The following CMSS1 variants were observed in gnomAD, a reference collection of about 807,000 sequenced individuals.
CMSS1 encodes protein CMSS1.
Under a neutral mutation model 43.5 loss-of-function variants are expected in CMSS1, and 33 were observed. The observed-to-expected ratio is 0.76, with a 90% CI of 0.57 to 1.01. The LOEUF (loss-of-function observed/expected upper bound fraction) is 1.01. Ranked by LOEUF, CMSS1 falls within the 50% of genes least tolerant of loss-of-function variation. The pLI, the probability that CMSS1 is intolerant of heterozygous loss-of-function variation, is 0.00. For missense variants in CMSS1, 313 were observed against 326.4 expected (o/e 0.96, Z 0.32); for synonymous variants, 115 against 117.2 (o/e 0.98, Z 0.12).
At position 100,179,427 on chromosome 3, in the gene CMSS1, T is replaced by C. The variant is rs1369997130; in HGVS notation, c.*1039T>C. 6.6e-6 allele frequency: 1 copy of C among 152,230 alleles called. No homozygotes were observed. Among genetic ancestry groups the C allele is most frequent in the African/African-American group, 2.4e-5 (1 of 41,456 alleles). The allele number at this position is 152,230 out of a possible 1,614,324, so 9.4% of individuals were successfully genotyped here. A position where few individuals can be genotyped will look rare whatever the true frequency, so the allele number is the denominator to read the frequency against. ...CAAGTTAGTCATTTCCAAGATACAA[T>C]GGAGGTACAGGCATTGGGTAAATGC... On this transcript the variant is annotated 3_prime_UTR_variant, in exon 10 of 10. Transcript: ENST00000421999.
chr3:100,121,410 G>C (rs1298931866), intron 1 of CMSS1, among the ~76,000 whole-genome samples: 1 of 152,060 alleles, frequency 6.6e-6, no homozygotes, highest in Non-Finnish European at 1.5e-5. Context: ...TCCCTGCAAA[G>C]GACATGAACT....
intron 1 of CMSS1, among the ~76,000 whole-genome samples, chr3:99,922,517 C>T (rs987603917): frequency 5.9e-5 from 9 of 151,976 alleles, no homozygotes; most frequent in Admixed American, 1.3e-4. Context: ...TCTGGCACTC[C>T]GAAAAAATGC....
chr3:100,177,018 C>T (rs1028478478), intron 9 of CMSS1, among the ~76,000 whole-genome samples: 4 of 152,120 alleles, frequency 2.6e-5, no homozygotes, highest in South Asian at 2.1e-4. Flanking sequence ...CCACCTACCA[C>T]GCTATTATGG....
intron 1 of CMSS1, among the ~76,000 whole-genome samples, chr3:100,060,684 A>G (rs1024689062): frequency 6.6e-6 from 1 of 151,952 alleles, no homozygotes; most frequent in African/African-American, 2.4e-5. Context: ...GTGAAACCCC[A>G]TCTCCACAAA....
intron 1 of CMSS1, among the ~76,000 whole-genome samples, chr3:99,891,375 T>A (rs996713827): frequency 7.2e-5 from 11 of 152,196 alleles, no homozygotes; most frequent in African/African-American, 2.7e-4. Flanking sequence ...AACTAAAATT[T>A]AAGTTTATGG....
intron 1 of CMSS1, among the ~76,000 whole-genome samples, chr3:100,109,164 G>A (rs2066444301): frequency 6.6e-6 from 1 of 150,900 alleles, no homozygotes; most frequent in Non-Finnish European, 1.5e-5. Flanking sequence ...CAAGGTGGTT[G>A]GACTCTATTA....
intron 1 of CMSS1, among the ~76,000 whole-genome samples, chr3:100,062,960 C>T (rs560223108): frequency 2.6e-4 from 40 of 152,202 alleles, no homozygotes; most frequent in African/African-American, 9.2e-4. Context: ...TTGTTCAGCA[C>T]GAAAGGAGGA....
At chr3:100,059,991 C>T (rs2065532312) in intron 1 of CMSS1, among the ~76,000 whole-genome samples, 1 of 148,814 alleles carries the variant, frequency 6.7e-6, no homozygotes, top group African/African-American at 2.5e-5. Context: ...AAATGTGACC[C>T]ATATGACTAG....
Position 99,817,869 on chromosome 3 carries a change from A to T in CMSS1, c.-111A>T. On this transcript the variant is annotated 5_prime_UTR_variant, in exon 1 of 10. Coordinates refer to ENST00000421999, the MANE Select transcript of CMSS1 (RefSeq NM_032359.4). ...CCGCGGGGCGGAGGCGACAGTGTCT[A>T]GCGGGAGCTCCGCGTGTAGCTACGC... 2 of 1,119,700 alleles carry T rather than the reference A, an allele frequency of 1.8e-6. No homozygotes were observed. Among genetic ancestry groups the T allele is most frequent in the Non-Finnish European group, 2.6e-6 (2 of 761,744 alleles). The allele number at this position is 1,119,700 out of a possible 1,614,324, so 69.4% of individuals were successfully genotyped here.
rs115053666 is a variant in CMSS1 at position 100,104,136 on chromosome 3, G to A, written c.65-42837G>A. ...GTGTGTGTTTGGATTGGAGAGCACAGGTTACAATGAGAGTGGCCCTCTCTC... is the reference window on the plus strand; with the variant it reads ...GTGTGTGTTTGGATTGGAGAGCACAAGTTACAATGAGAGTGGCCCTCTCTC... On this transcript the variant is annotated intron_variant, in intron 1 of 9. Transcript: ENST00000421999. 2.5e-3 allele frequency among the ~76,000 whole-genome samples: 378 copies of A among 152,298 alleles called. 4 individuals are homozygous for A. Among genetic ancestry groups the A allele is most frequent in the African/African-American group, 8.7e-3 (361 of 41,566 alleles).
chr3:99,969,701 G>T (rs995459969), intron 1 of CMSS1, among the ~76,000 whole-genome samples: 63 of 152,144 alleles, frequency 4.1e-4, no homozygotes, highest in African/African-American at 1.5e-3. Context: ...TCACATAATG[G>T]ATAGGAAGCA....
At chr3:99,944,547 A>G (rs888901050) in intron 1 of CMSS1, among the ~76,000 whole-genome samples, 9 of 152,334 alleles carry the variant, frequency 5.9e-5, no homozygotes, top group African/African-American at 2.2e-4. Flanking sequence ...ACTGAAAACA[A>G]CCCTGTAAGG....
rs534638668 is a variant in CMSS1, at chr3:99,884,155, T to C, written c.64+66112T>C. Among the ~76,000 whole-genome samples, 8 of 152,314 alleles carry C rather than the reference T, an allele frequency of 5.3e-5. No homozygotes were observed. The South Asian group carries it at 1.0e-3, about 20-fold the overall frequency. ...CTGTGCAGTAGCCTGTTCAGGGATA[T>C]GCATATGGGAAAAGCTCAAGCCAGA... On this transcript the variant is annotated intron_variant, in intron 1 of 9. Coordinates refer to ENST00000421999, the MANE Select transcript of CMSS1 (RefSeq NM_032359.4).
intron 1 of CMSS1, among the ~76,000 whole-genome samples, chr3:100,032,251 G>C (rs77447565): frequency 0.012 from 1,839 of 152,310 alleles, 24 homozygotes; most frequent in African/African-American, 0.027. Flanking sequence ...AGATGGATGC[G>C]TTGGCCCTTG....
At chr3:99,863,036 C>T (rs1944337366) in intron 1 of CMSS1, among the ~76,000 whole-genome samples, 2 of 152,166 alleles carry the variant, frequency 1.3e-5, no homozygotes, top group Non-Finnish European at 2.9e-5. Flanking sequence ...TACTCATAGA[C>T]TTGGTCTACT....
At chr3:99,854,898 C>T (rs1943882879) in intron 1 of CMSS1, among the ~76,000 whole-genome samples, 1 of 152,178 alleles carries the variant, frequency 6.6e-6, no homozygotes, top group Admixed American at 6.5e-5. Context: ...ACCAATGCTT[C>T]TCACAGTGTA....
At chr3:99,885,941 C>G (rs1471032674) in intron 1 of CMSS1, among the ~76,000 whole-genome samples, 1 of 152,176 alleles carries the variant, frequency 6.6e-6, no homozygotes, top group Non-Finnish European at 1.5e-5. Context: ...ATGGTAGCCT[C>G]CAACAACTAG....
intron 1 of CMSS1, among the ~76,000 whole-genome samples, chr3:100,012,964 T>C (rs1393711990): frequency 6.6e-6 from 1 of 151,820 alleles, no homozygotes; most frequent in Non-Finnish European, 1.5e-5. Flanking sequence ...TATGTATGTA[T>C]TTATTTATTT....
intron 1 of CMSS1, among the ~76,000 whole-genome samples, chr3:99,993,601 T>C (rs1017056732): frequency 1.3e-5 from 2 of 152,168 alleles, no homozygotes; most frequent in African/African-American, 2.4e-5. Flanking sequence ...AAGTATGATA[T>C]TGGGTGTGGG....
Sources: gnomAD v4.1 joint callset for allele counts (sites outside exome capture counted in the v4.1 genomes callset) on GRCh38, gnomAD v4.1.1 for gene constraint, MANE v1.5 for transcripts, NCBI Gene and HGNC (gene_info 2026-07-23, HGNC 2026-07-21) for gene names.